Variants in CRY1 observed in about 807,000 individuals in gnomAD.
CRY1 encodes the protein cryptochrome-1.
Under a neutral mutation model 76.0 loss-of-function variants are expected in CRY1, and 45 were observed. The ratio of observed to expected loss-of-function variants is 0.59; its 90% CI spans 0.47 to 0.76. The LOEUF (loss-of-function observed/expected upper bound fraction) is 0.76, where lower values mean the gene tolerates loss of function less well. CRY1 is among the 30% of genes least tolerant of loss of function. The pLI is 0.00. For synonymous variants in CRY1, 248 were observed against 244.0 expected (o/e 1.02, Z -0.15); for missense variants, 587 against 716.4 (o/e 0.82, Z 2.06).
intron 1 of CRY1, among the ~76,000 whole-genome samples, chr12:107,069,811 C>T (rs1212447636): frequency 6.7e-6 from 1 of 148,644 alleles, no homozygotes. Flanking sequence ...AAAGACAGCA[C>T]ATCAACAGAA....
At chr12:107,060,677 A>G (rs1272586837) in intron 1 of CRY1, among the ~76,000 whole-genome samples, 3 of 152,180 alleles carry the variant, frequency 2.0e-5, no homozygotes, top group Non-Finnish European at 2.9e-5. Context: ...AAGAGAAACT[A>G]TGACCTTTTA....
intron 10 of CRY1, among the ~76,000 whole-genome samples, chr12:106,993,742 T>C (rs1593489029): frequency 6.6e-6 from 1 of 152,086 alleles, no homozygotes; most frequent in African/African-American, 2.4e-5. Flanking sequence ...TCAGTGGCAG[T>C]TGCTCACCCT....
At chr12:107,030,254 ATATAT>A (rs1281322733) in intron 1 of CRY1, among the ~76,000 whole-genome samples, 4 of 152,224 alleles carry the variant, frequency 2.6e-5, no homozygotes, top group African/African-American at 9.6e-5. Flanking sequence ...GATACTTTAC[ATATAT>A]TATATTCCCA....
In CRY1 at chr12:107,066,389, A is replaced by G. The variant is rs1031209426; in HGVS notation, c.158+26415T>C. ...TTCATCCTTTTATCTTTAAATGTAC[A>G]TAGAGAGACCCAGAATGATTTACAT... On this transcript the variant is annotated intron_variant, in intron 1 of 12. Coordinates refer to ENST00000008527, the MANE Select transcript of CRY1 (RefSeq NM_004075.5). Among the ~76,000 whole-genome samples the G allele has an allele frequency of 3.9e-5, 6 of 152,290 alleles. No homozygotes were observed. In the East Asian group the frequency reaches 9.6e-4, roughly 24 times the overall value.
intron 1 of CRY1, among the ~76,000 whole-genome samples, chr12:107,080,807 A>G (rs903867219): frequency 3.3e-5 from 5 of 152,072 alleles, no homozygotes; most frequent in Non-Finnish European, 7.4e-5. Context: ...AAAGAAATGA[A>G]GTCAGCCACT....
chr12:106,992,912 G>GT lies in CRY1; in HGVS notation c.1658-23dup, dbSNP rs1952195363. On this transcript the variant is annotated intron_variant, in intron 11 of 12. Transcript: ENST00000008527. The stretch of plus-strand genomic sequence containing the variant: ...CTTCCTGCACATTTAAAAAATGTAT[G>GT]TTTAAGATAGGAAAAGGAAAAAGAA... 4 of 1,613,620 alleles carry GT rather than the reference G, an allele frequency of 2.5e-6. No homozygotes were observed. The East Asian group carries it at 8.9e-5, about 36-fold the overall frequency.
chr12:107,023,063 ATTAT>A lies in CRY1; in HGVS notation c.159-875_159-872del, dbSNP rs544259996. On this transcript the variant is annotated intron_variant, in intron 1 of 12. Transcript: ENST00000008527. ...TGTCACCCATGGAAGGTCCAATCTT[ATTAT>A]TTGACTCATGTTAAGTTTCATTTAG... Among the ~76,000 whole-genome samples, 513 of 152,250 alleles carry A rather than the reference ATTAT, an allele frequency of 3.4e-3. 3 individuals carry two copies. The highest frequency in any genetic ancestry group is 0.011 in the African/African-American group (466 of 41,550).
chr12:107,078,003 CA>C (rs1953279054), intron 1 of CRY1, among the ~76,000 whole-genome samples: 1 of 151,922 alleles, frequency 6.6e-6, no homozygotes, highest in Non-Finnish European at 1.5e-5. Context: ...GAAGATCTGG[CA>C]AAAAATTTAC....
At chr12:106,994,544 C>T (rs1288522078) in intron 10 of CRY1, among the ~76,000 whole-genome samples, 2 of 152,172 alleles carry the variant, frequency 1.3e-5, no homozygotes, top group Admixed American at 6.5e-5. Context: ...AACTATGTTA[C>T]AGGCAAATAT....
intron 1 of CRY1, among the ~76,000 whole-genome samples, chr12:107,066,216 A>G (rs967002419): frequency 3.3e-5 from 5 of 152,220 alleles, no homozygotes; most frequent in African/African-American, 7.2e-5. Flanking sequence ...AGTTCAGTAA[A>G]ATCATAATTC....
chr12:106,992,907 T>A lies in CRY1; in HGVS notation c.1658-17A>T, dbSNP rs200892354. ...AGCTTCTTCCTGCACATTTAAAAAA[T>A]GTATGTTTAAGATAGGAAAAGGAAA... On this transcript the variant is annotated splice_polypyrimidine_tract_variant and intron_variant, in intron 11 of 12. Coordinates refer to ENST00000008527, the MANE Select transcript of CRY1 (RefSeq NM_004075.5). The A allele has an allele frequency of 9.3e-6, 15 of 1,613,844 alleles. No individual in the cohort carries two copies. In the East Asian group the frequency reaches 3.3e-4, roughly 36 times the overall value.
intron 1 of CRY1, among the ~76,000 whole-genome samples, chr12:107,074,977 T>A (rs1419011998): frequency 6.6e-6 from 1 of 151,908 alleles, no homozygotes; most frequent in African/African-American, 2.4e-5. Context: ...ATCGTGCCAC[T>A]GCACTCTAGC....
At chr12:107,051,681 G>C (rs1406138359) in intron 1 of CRY1, among the ~76,000 whole-genome samples, 1 of 152,092 alleles carries the variant, frequency 6.6e-6, no homozygotes, top group Non-Finnish European at 1.5e-5. Flanking sequence ...TTCACTTTGT[G>C]ACAGCAGCAT....
In CRY1 at chr12:107,093,141, G is replaced by A; in HGVS notation, c.-180C>T. ...CGGAGAAGGCGGGGGCGCCGGAGGCGCAGTGGAAAGATGAATGGAGGTTGC... is the reference window on the plus strand; with the variant it reads ...CGGAGAAGGCGGGGGCGCCGGAGGCACAGTGGAAAGATGAATGGAGGTTGC... On this transcript the variant is annotated 5_prime_UTR_variant, in exon 1 of 13. Coordinates refer to ENST00000008527, the MANE Select transcript of CRY1 (RefSeq NM_004075.5). The A allele has an allele frequency of 1.4e-6, 1 of 696,594 alleles. No individual in the cohort carries two copies. The highest frequency in any genetic ancestry group is 3.4e-5 in the Admixed American group (1 of 29,610). 43.2% of individuals were successfully genotyped at this position (696,594 alleles called of 1,614,324 possible).
intron 1 of CRY1, among the ~76,000 whole-genome samples, chr12:107,033,653 G>A (rs753768049): frequency 2.0e-5 from 3 of 151,932 alleles, no homozygotes; most frequent in Non-Finnish European, 2.9e-5. Flanking sequence ...ACCAATTGAC[G>A]AGATGTATAA....
At chr12:107,073,079 T>G (rs917649620) in intron 1 of CRY1, 1 of 133,980 alleles carries the variant, frequency 7.5e-6, no homozygotes, top group Admixed American at 8.3e-5. Flanking sequence ...GATTTATATG[T>G]GTAAATAAAA....
intron 2 of CRY1, among the ~76,000 whole-genome samples, chr12:107,013,402 T>C (rs1035071145): frequency 1.6e-4 from 24 of 152,252 alleles, no homozygotes; most frequent in Non-Finnish European, 1.6e-4. Context: ...GTGTGTATTT[T>C]TTTTAGTCAT....
At chr12:107,025,047 GATAAA>G (rs1314024783) in intron 1 of CRY1, among the ~76,000 whole-genome samples, 2 of 152,122 alleles carry the variant, frequency 1.3e-5, no homozygotes, top group Non-Finnish European at 2.9e-5. Context: ...ATATTACTCT[GATAAA>G]ATAAAATTTA....
chr12:107,071,985 T>C (rs944236944), intron 1 of CRY1, among the ~76,000 whole-genome samples: 1 of 152,146 alleles, frequency 6.6e-6, no homozygotes, highest in Non-Finnish European at 1.5e-5. Context: ...AGAAATCTAC[T>C]CAAACTAGGT....
Sources: gnomAD v4.1 joint callset for allele counts (sites outside exome capture counted in the v4.1 genomes callset) on GRCh38, gnomAD v4.1.1 for gene constraint, MANE v1.5 for transcripts, NCBI Gene and HGNC (gene_info 2026-07-23, HGNC 2026-07-21) for gene names.